GRIK3: variants seen among roughly 807,000 people sequenced by gnomAD.
The protein encoded by GRIK3 is glutamate receptor ionotropic, kainate 3.
A neutral mutation model predicts 102.5 loss-of-function variants in GRIK3; 29 were observed. The observed-to-expected ratio is 0.28, with a 90% confidence interval of 0.21 to 0.39. GRIK3 has a LOEUF of 0.39. Among genes scored for constraint, GRIK3 ranks in the 10% least tolerant of loss-of-function variants. GRIK3 has a pLI of 1.00. For synonymous variants in GRIK3, 511 were observed against 504.9 expected, an observed-to-expected ratio of 1.01 and a Z score of -0.16; for missense variants, 908 against 1,252.4, an observed-to-expected ratio of 0.73 and a Z score of 4.15.
intron 1 of GRIK3, among the ~76,000 whole-genome samples, chr1:36,969,742 G>A (rs1277205675): frequency 6.6e-6 from 1 of 152,238 alleles, no homozygotes; most frequent in Non-Finnish European, 1.5e-5. Context: ...AACTCACAGA[G>A]TTCAATGCAG....
intron 1 of GRIK3, among the ~76,000 whole-genome samples, chr1:36,986,046 A>C (rs1277796619): frequency 6.6e-6 from 1 of 151,988 alleles, no homozygotes; most frequent in Non-Finnish European, 1.5e-5. Context: ...AGCTTCCCCC[A>C]GCTATTCCTC....
intron 11 of GRIK3, among the ~76,000 whole-genome samples, chr1:36,822,674 G>A (rs958407764): frequency 1.3e-5 from 2 of 152,184 alleles, no homozygotes; most frequent in Non-Finnish European, 2.9e-5. Context: ...GGAGGAGACA[G>A]GGCATCCACT....
rs147562446 is a variant in GRIK3 at position 36,982,961 on chromosome 1, G to A, written c.115+51033C>T. 2.9e-3 allele frequency among the ~76,000 whole-genome samples: 437 copies of A among 152,220 alleles called. 1 individual carries two copies. Among genetic ancestry groups the A allele is most frequent in the African/African-American group, 9.9e-3 (412 of 41,522 alleles). ...TCATCTCCGCGGACAATTAAAACCCGGCTGTCTCAAGAGCGAGCCCTGGCC... is the reference window on the plus strand; with the variant it reads ...TCATCTCCGCGGACAATTAAAACCCAGCTGTCTCAAGAGCGAGCCCTGGCC... On this transcript the variant is annotated intron_variant, in intron 1 of 15. Transcript: ENST00000373091.
intron 1 of GRIK3, among the ~76,000 whole-genome samples, chr1:37,032,132 C>T (rs896045451): frequency 1.3e-5 from 2 of 152,192 alleles, no homozygotes; most frequent in African/African-American, 2.4e-5. Flanking sequence ...CAAGAAAGGG[C>T]GGGCAGGCTT....
chr1:36,872,446 T>G lies in GRIK3; in HGVS notation c.551-77A>C. ...CTCCAGGCATCCACTTGGACTTGTG[T>G]GCACACACATGCCCATGGCCACAGG... On this transcript the variant is annotated intron_variant, in intron 3 of 15. Transcript: ENST00000373091. The surrounding 1 kb of genome is among the most constrained non-coding windows in gnomAD (Gnocchi z 5.9). 2 of 1,169,448 alleles carry G rather than the reference T, an allele frequency of 1.7e-6. No individual in the cohort carries two copies. The highest frequency in any genetic ancestry group is 2.4e-6 in the Non-Finnish European group (2 of 827,526). The allele number at this position is 1,169,448 out of a possible 1,614,324, so 72.4% of individuals were successfully genotyped here.
intron 5 of GRIK3, among the ~76,000 whole-genome samples, chr1:36,864,251 C>T (rs1640758879): frequency 1.3e-5 from 2 of 152,026 alleles, no homozygotes; most frequent in South Asian, 4.2e-4. Flanking sequence ...TGAGATCTTC[C>T]CCAAACTGCC....
chr1:36,910,665 A>C (rs1253446595), intron 1 of GRIK3, among the ~76,000 whole-genome samples: 1 of 152,196 alleles, frequency 6.6e-6, no homozygotes. Flanking sequence ...CGGTCCAGGG[A>C]TGGGCTTTCT....
chr1:36,890,144 T>C (rs1251531085), intron 2 of GRIK3, among the ~76,000 whole-genome samples: 2 of 152,078 alleles, frequency 1.3e-5, no homozygotes, highest in Non-Finnish European at 2.9e-5. Flanking sequence ...TGTCTGCAGA[T>C]CAGCTCTGAG....
chr1:36,917,745 T>A (rs1641418679), intron 1 of GRIK3, among the ~76,000 whole-genome samples: 1 of 152,236 alleles, frequency 6.6e-6, no homozygotes, highest in South Asian at 2.1e-4. Flanking sequence ...CAGTCTCAGG[T>A]ATGTTTTTAT....
At chr1:36,813,793 G>A (rs964839311) in intron 13 of GRIK3, among the ~76,000 whole-genome samples, 1 of 151,358 alleles carries the variant, frequency 6.6e-6, no homozygotes, top group Non-Finnish European at 1.5e-5. Context: ...ATCTGAGGTG[G>A]GGGGGCAGTT....
At chr1:37,008,864 T>C (rs1333833581) in intron 1 of GRIK3, among the ~76,000 whole-genome samples, 4 of 152,244 alleles carry the variant, frequency 2.6e-5, no homozygotes, top group Admixed American at 6.5e-5. Context: ...GTCATTATCA[T>C]AGAATTACAA....
At chr1:36,902,594 C>T (rs1037769901) in intron 1 of GRIK3, among the ~76,000 whole-genome samples, 2 of 152,152 alleles carry the variant, frequency 1.3e-5, no homozygotes, top group African/African-American at 4.8e-5. Context: ...GTATCAGAGA[C>T]CTCAATGTAC....
At chr1:36,909,079 G>A (rs1641317103) in intron 1 of GRIK3, among the ~76,000 whole-genome samples, 2 of 152,120 alleles carry the variant, frequency 1.3e-5, no homozygotes, top group Non-Finnish European at 2.9e-5. Context: ...TGGAAGTCCA[G>A]GGAAGTCAAG....
At chr1:37,029,186 C>T (rs74936315) in intron 1 of GRIK3, among the ~76,000 whole-genome samples, 75 of 152,322 alleles carry the variant, frequency 4.9e-4, no homozygotes, top group Middle Eastern at 3.4e-3. Context: ...CAGCCCCATC[C>T]GCATCAGCTC....
At chr1:36,989,669 T>C (rs1642344277) in intron 1 of GRIK3, among the ~76,000 whole-genome samples, 1 of 152,034 alleles carries the variant, frequency 6.6e-6, no homozygotes, top group South Asian at 2.1e-4. Flanking sequence ...CTGCCCAGTC[T>C]CTCCCGTGGC....
chr1:36,960,839 G>C (rs1358062214), intron 1 of GRIK3, among the ~76,000 whole-genome samples: 1 of 152,228 alleles, frequency 6.6e-6, no homozygotes, highest in Non-Finnish European at 1.5e-5. Flanking sequence ...CAGGCCGAGG[G>C]AGTAAGCATC....
intron 1 of GRIK3, among the ~76,000 whole-genome samples, chr1:36,965,039 AG>A (rs1269425487): frequency 6.6e-6 from 1 of 152,184 alleles, no homozygotes; most frequent in Non-Finnish European, 1.5e-5. Flanking sequence ...GCTAAATCCA[AG>A]GGGCCCAGTG....
chr1:37,012,885 C>T (rs1052046454), intron 1 of GRIK3, among the ~76,000 whole-genome samples: 2 of 152,228 alleles, frequency 1.3e-5, no homozygotes, highest in Admixed American at 1.3e-4. Context: ...CATATGAACA[C>T]ACTTGGCAAG....
chr1:36,850,198 C>G lies in GRIK3; in HGVS notation c.1326+113G>C. 1.4e-6 allele frequency: 1 copy of G among 694,350 alleles called. No homozygotes were observed. Among genetic ancestry groups the G allele is most frequent in the South Asian group, 1.6e-5 (1 of 60,694 alleles). 43.0% of individuals were successfully genotyped at this position (694,350 alleles called of 1,614,324 possible). The stretch of plus-strand genomic sequence containing the variant: ...TCCTGCTGACTCTAAAAGTCTCCAC[C>G]TACCTGCAGCCTCCATCTTCTGGGT... On this transcript the variant is annotated intron_variant, in intron 9 of 15. Coordinates refer to ENST00000373091, the MANE Select transcript of GRIK3 (RefSeq NM_000831.4). This position sits in a 1 kb window ranked among gnomAD's most constrained non-coding sequence, Gnocchi z 4.0.
Sources: allele counts gnomAD v4.1 joint callset (sites outside exome capture counted in the v4.1 genomes callset), GRCh38; gene constraint gnomAD v4.1.1; non-coding constraint Gnocchi (gnomAD v3.1); transcripts MANE v1.5; gene names NCBI Gene and HGNC (gene_info 2026-07-23, HGNC 2026-07-21).